Variants in CADM3 observed in about 807,000 individuals in gnomAD.
CADM3 encodes cell adhesion molecule 3, also known as TSLC1-like 1.
A neutral mutation model predicts 44.9 loss-of-function variants in CADM3; 11 were observed. That is an observed-to-expected ratio of 0.25 (90% confidence interval 0.15 to 0.41). The LOEUF (loss-of-function observed/expected upper bound fraction) is 0.41, where lower values mean the gene tolerates loss of function less well. Ranked by LOEUF, CADM3 falls within the 10% of genes least tolerant of loss-of-function variation. The pLI is 1.00. For missense variants in CADM3, 426 were observed against 512.0 expected (o/e 0.83, Z 1.62); for synonymous variants, 207 against 205.2 (o/e 1.01, Z -0.08).
chr1:159,196,651 T>C (rs985120486), intron 6 of CADM3, 197 bp downstream of exon 6: 2 of 628,488 alleles, frequency 3.2e-6, no homozygotes, highest in East Asian at 5.5e-5. Context: ...CCTAACTCAG[T>C]CCCTGAGTTT....
At chr1:159,189,832 C>T in intron 1 of CADM3, 1 of 1,606,674 alleles carries the variant, frequency 6.2e-7, no homozygotes. Context: ...AGGCCATCAG[C>T]TCCACAGTCT....
At chr1:159,183,809 A>G (rs1485047462) in intron 1 of CADM3, among the ~76,000 whole-genome samples, 1 of 152,206 alleles carries the variant, frequency 6.6e-6, no homozygotes, top group Non-Finnish European at 1.5e-5. Flanking sequence ...GGACAGACAG[A>G]GTTAGAAAGG....
intron 4 of CADM3, 118 bp from the exon 5 acceptor site, chr1:159,193,752 T>C: frequency 1.4e-6 from 2 of 1,473,810 alleles, no homozygotes; most frequent in Non-Finnish European, 1.9e-6. Context: ...TAAGTTTATC[T>C]AGGTTGAGAC....
chr1:159,175,856 T>A (rs140960643), intron 1 of CADM3, among the ~76,000 whole-genome samples: 1 of 152,344 alleles, frequency 6.6e-6, no homozygotes, highest in East Asian at 1.9e-4. Flanking sequence ...GGCGTTCTGG[T>A]TACTTTGAAA....
Position 159,171,840 on chromosome 1 carries a change from C to T in CADM3, c.75C>T (p.Asn25=). Residue 25 remains asparagine (N), a synonymous_variant, in exon 1 of 9, where the codon AAC becomes AAT. Coordinates refer to ENST00000368125, the MANE Select transcript of CADM3 (RefSeq NM_001127173.3). ...FACCWAPGGA[N]LSQDDSQPWT... is the part of the protein sequence containing the mutation. ...GCTGCTGGGCGCCCGGCGGGGCCAA[C>T]CTCTCCCAGGACGGTGAGTGAGGGA... 2 of 1,244,888 alleles carry T rather than the reference C, an allele frequency of 1.6e-6. No individual in the cohort carries two copies. The highest frequency in any genetic ancestry group is 2.0e-6 in the Non-Finnish European group (2 of 993,002). The allele number at this position is 1,244,888 out of a possible 1,614,324, so 77.1% of individuals were successfully genotyped here.
intron 5 of CADM3, 152 bp downstream of exon 5, chr1:159,194,192 GC>G: frequency 1.3e-6 from 1 of 776,380 alleles, no homozygotes; most frequent in Non-Finnish European, 2.0e-6. Flanking sequence ...GCCAGGGTTG[GC>G]AAACTCTTTA....
chr1:159,199,336 C>T (rs1184642132), intron 7 of CADM3, among the ~76,000 whole-genome samples: 1 of 141,888 alleles, frequency 7.0e-6, no homozygotes, highest in Non-Finnish European at 1.5e-5. Context: ...GGAAACAGGG[C>T]AGGAGGAGAG....
chr1:159,188,255 T>G, intron 1 of CADM3, among the ~76,000 whole-genome samples: 1 of 148,684 alleles, frequency 6.7e-6, no homozygotes, highest in East Asian at 2.1e-4. Context: ...CGGCCTCCCA[T>G]TCTCTCCCTT....
At chr1:159,174,368 CCT>C (rs762652215) in intron 1 of CADM3, among the ~76,000 whole-genome samples, 9 of 152,102 alleles carry the variant, frequency 5.9e-5, no homozygotes, top group Non-Finnish European at 1.3e-4. Flanking sequence ...GTTTCGTACC[CCT>C]GAGTTGGCCT....
chr1:159,197,086 C>G, intron 7 of CADM3, 26 bp downstream of exon 7: 2 of 1,605,452 alleles, frequency 1.2e-6, no homozygotes, highest in Non-Finnish European at 1.7e-6. Context: ...TTCTCTTCCT[C>G]CAGAATCTCC....
At chr1:159,179,597 G>T (rs1649151776) in intron 1 of CADM3, among the ~76,000 whole-genome samples, 1 of 152,178 alleles carries the variant, frequency 6.6e-6, no homozygotes, top group Non-Finnish European at 1.5e-5. Context: ...TCTGACAACA[G>T]ATTTTATTGG....
chr1:159,172,165 C>T (rs1648837362), intron 1 of CADM3, among the ~76,000 whole-genome samples: 1 of 151,820 alleles, frequency 6.6e-6, no homozygotes, highest in African/African-American at 2.4e-5. Flanking sequence ...TGTGCGCGCG[C>T]GTCTGTGTTG....
chr1:159,196,325 G>A (rs1382656152), intron 5 of CADM3, 39 bp from the exon 6 acceptor site: 7 of 1,515,692 alleles, frequency 4.6e-6, no homozygotes, highest in Non-Finnish European at 6.4e-6. Flanking sequence ...CCTAAGCCGT[G>A]TGGGGAGGTA....
chr1:159,185,148 C>T (rs549165879), intron 1 of CADM3, among the ~76,000 whole-genome samples: 18 of 152,130 alleles, frequency 1.2e-4, no homozygotes, highest in South Asian at 4.1e-4. Context: ...GAGTCCCACA[C>T]GGTAAGGCAC....
Position 159,171,857 on chromosome 1 carries a change from A to C in CADM3, c.88+4A>C. 5.6e-6 allele frequency: 7 copies of C among 1,240,022 alleles called. No homozygotes were observed. Among genetic ancestry groups the C allele is most frequent in the Non-Finnish European group, 7.1e-6 (7 of 990,194 alleles). 76.8% of individuals were successfully genotyped at this position (1,240,022 alleles called of 1,614,324 possible). On this transcript the variant is annotated splice_donor_region_variant and intron_variant, in intron 1 of 8. Transcript: ENST00000368125. ...GGGGCCAACCTCTCCCAGGACGGTGAGTGAGGGAGGGGGCGGCGCCTGGGG... is the reference window on the plus strand; with the variant it reads ...GGGGCCAACCTCTCCCAGGACGGTGCGTGAGGGAGGGGGCGGCGCCTGGGG...
At chr1:159,195,834 C>T (rs1649869082) in intron 5 of CADM3, 1 of 152,840 alleles carries the variant, frequency 6.5e-6, no homozygotes, top group Non-Finnish European at 1.5e-5. Flanking sequence ...TATATTGTGT[C>T]AGTGCCTTTT....
At chr1:159,200,673 A>C in intron 8 of CADM3, 131 bp from the exon 9 acceptor site, 1 of 619,078 alleles carries the variant, frequency 1.6e-6, no homozygotes, top group South Asian at 2.3e-5. Context: ...GGTAAGGTGG[A>C]GTAGAAGAGA....
intron 6 of CADM3, 98 bp from the exon 7 acceptor site, chr1:159,196,793 A>G: frequency 3.3e-6 from 4 of 1,230,244 alleles, no homozygotes; most frequent in Non-Finnish European, 3.4e-6. Context: ...AGCCTCATCA[A>G]ACAGTCCTTG....
At chr1:159,199,352 A>C (rs940952492) in intron 7 of CADM3, among the ~76,000 whole-genome samples, 2 of 150,070 alleles carry the variant, frequency 1.3e-5, no homozygotes, top group African/African-American at 4.9e-5. Flanking sequence ...GAGAGAGGAA[A>C]GAAGGAAGAG....
Sources: gnomAD v4.1 joint callset for allele counts (sites outside exome capture counted in the v4.1 genomes callset) on GRCh38, gnomAD v4.1.1 for gene constraint, MANE v1.5 for transcripts, NCBI Gene and HGNC (gene_info 2026-07-23, HGNC 2026-07-21) for gene names.